FGD4: variants seen among roughly 807,000 people sequenced by gnomAD.
The protein encoded by FGD4 is FYVE, RhoGEF and PH domain-containing protein 4.
A neutral mutation model predicts 102.0 loss-of-function variants in FGD4; 42 were observed. The ratio of observed to expected loss-of-function variants is 0.41; its 90% CI spans 0.32 to 0.53. FGD4 has a LOEUF of 0.53. FGD4 is among the 20% of genes least tolerant of loss of function. The pLI is 0.21. For missense variants in FGD4, 902 were observed against 1,078.2 expected (o/e 0.84, Z 2.29); for synonymous variants, 380 against 375.7 (o/e 1.01, Z -0.13).
intron 1 of FGD4, among the ~76,000 whole-genome samples, chr12:32,464,638 T>G (rs1253023670): frequency 6.6e-6 from 1 of 152,224 alleles, no homozygotes; most frequent in East Asian, 1.9e-4. Context: ...TAGGTAGTAT[T>G]CAAGGTGTTT....
intron 1 of FGD4, among the ~76,000 whole-genome samples, chr12:32,453,209 TATATATATATAATATAGATATATA>T: frequency 2.0e-5 from 1 of 48,862 alleles, no homozygotes; most frequent in South Asian, 1.2e-3. Context: ...ATTATATATA[TATATATATATAATATAGATATATA>T]TATATTTTTT....
At chr12:32,490,662 G>T (rs2136575322) in intron 1 of FGD4, among the ~76,000 whole-genome samples, 1 of 152,118 alleles carries the variant, frequency 6.6e-6, no homozygotes, top group East Asian at 1.9e-4. Context: ...CTCCCAAAGT[G>T]CTGGGATTAC....
Position 32,544,777 on chromosome 12 carries a change from T to TGAACTTTA in FGD4, c.167-19358_167-19351dup, listed in dbSNP as rs562230928. Among the ~76,000 whole-genome samples, 3,226 of 152,256 alleles carry TGAACTTTA rather than the reference T, an allele frequency of 0.021. 39 individuals carry two copies. The highest frequency in any genetic ancestry group is 0.037 in the South Asian group (177 of 4,820). ...AAAATTAGTCTTCATGGTGTTTTGG[T>TGAACTTTA]GAACTTTAGCTTACCAGCTGAAAAT... On this transcript the variant is annotated intron_variant, in intron 1 of 16. Coordinates refer to ENST00000534526, the MANE Select transcript of FGD4 (RefSeq NM_001370298.3). This position sits in a 1 kb window ranked among gnomAD's most constrained non-coding sequence, Gnocchi z 4.1.
chr12:32,462,869 CA>C (rs1358590294), intron 1 of FGD4, among the ~76,000 whole-genome samples: 26 of 152,280 alleles, frequency 1.7e-4, no homozygotes, highest in Middle Eastern at 3.4e-3. Context: ...GCAGTGAGAA[CA>C]ACAAGAAAAT....
chr12:32,632,693 A>T (rs1042899583), intron 14 of FGD4, among the ~76,000 whole-genome samples: 10 of 133,740 alleles, frequency 7.5e-5, no homozygotes, highest in South Asian at 2.3e-4. Flanking sequence ...TTTTATTTTT[A>T]TTTATTTATT....
At chr12:32,453,227 A>ATATTT (rs1338018668) in intron 1 of FGD4, among the ~76,000 whole-genome samples, 3 of 45,316 alleles carry the variant, frequency 6.6e-5, no homozygotes, top group Admixed American at 5.4e-4. Flanking sequence ...TATAATATAG[A>ATATTT]TATATATATA....
chr12:32,554,149 T>C lies in FGD4; in HGVS notation c.167-9988T>C, dbSNP rs188798855. Among the ~76,000 whole-genome samples the C allele has an allele frequency of 3.9e-3, 593 of 152,304 alleles. 7 individuals carry two copies. Among genetic ancestry groups the C allele is most frequent in the African/African-American group, 0.014 (564 of 41,554 alleles). On this transcript the variant is annotated intron_variant, in intron 1 of 16. Coordinates refer to ENST00000534526, the MANE Select transcript of FGD4 (RefSeq NM_001370298.3). ...CAATAACTGGGATTTTTTTTTACTGTTACTATTTTTTATCAAGACAAACAT... is the reference window on the plus strand; with the variant it reads ...CAATAACTGGGATTTTTTTTTACTGCTACTATTTTTTATCAAGACAAACAT...
chr12:32,534,368 C>A (rs955004765), intron 1 of FGD4: 22 of 1,464,650 alleles, frequency 1.5e-5, no homozygotes, highest in Non-Finnish European at 1.9e-5. Flanking sequence ...TAATCTTCAG[C>A]CTCCCTGAAG....
At chr12:32,526,004 CCCTGCT>C in intron 1 of FGD4, among the ~76,000 whole-genome samples, 1 of 152,388 alleles carries the variant, frequency 6.6e-6, no homozygotes, top group Admixed American at 6.5e-5. Context: ...GAGCACCACC[CCCTGCT>C]CCACGGCGCC....
At chr12:32,524,430 G>C (rs1940914985) in intron 1 of FGD4, among the ~76,000 whole-genome samples, 1 of 149,008 alleles carries the variant, frequency 6.7e-6, no homozygotes, top group South Asian at 2.1e-4. Flanking sequence ...AAATTACCTG[G>C]AATTAGTATA....
chr12:32,561,070 GTTTTGTT>G (rs1488689997), intron 1 of FGD4, among the ~76,000 whole-genome samples: 976 of 90,740 alleles, frequency 0.011, 100 homozygotes, highest in African/African-American at 0.038. Context: ...TCTTTGTTGG[GTTTTGTT>G]TTTTTTTTTT....
At chr12:32,611,750 G>A (rs559060907) in intron 10 of FGD4, among the ~76,000 whole-genome samples, 10 of 152,202 alleles carry the variant, frequency 6.6e-5, no homozygotes, top group East Asian at 5.8e-4. Flanking sequence ...TCTAAGTAAC[G>A]TATTTTTCTG....
chr12:32,482,804 G>A (rs117040235), intron 1 of FGD4, among the ~76,000 whole-genome samples: 3 of 152,298 alleles, frequency 2.0e-5, no homozygotes, highest in Non-Finnish European at 4.4e-5. Context: ...AACTTTGGGA[G>A]GATAAGCAGA....
intron 1 of FGD4, among the ~76,000 whole-genome samples, chr12:32,512,811 C>A (rs1939518875): frequency 1.3e-5 from 2 of 152,182 alleles, no homozygotes; most frequent in African/African-American, 4.8e-5. Flanking sequence ...AGAGCTATTT[C>A]TCTTAATTAC....
intron 1 of FGD4, among the ~76,000 whole-genome samples, chr12:32,437,548 G>A (rs1942275799): frequency 6.6e-6 from 1 of 152,160 alleles, no homozygotes; most frequent in Admixed American, 6.5e-5. Context: ...TTCACTACAC[G>A]GATATCCGTG....
intron 1 of FGD4, among the ~76,000 whole-genome samples, chr12:32,540,526 C>T (rs1439218025): frequency 6.6e-6 from 1 of 150,916 alleles, no homozygotes; most frequent in African/African-American, 2.4e-5. Flanking sequence ...ATATTAGGCC[C>T]TTCAGGAGAT....
At chr12:32,573,316 C>G (rs550781217) in intron 2 of FGD4, among the ~76,000 whole-genome samples, 3 of 152,068 alleles carry the variant, frequency 2.0e-5, no homozygotes, top group African/African-American at 7.2e-5. Context: ...AGGTTGGTCT[C>G]GATCTCCTGA....
chr12:32,633,549 G>T lies in FGD4; in HGVS notation c.2173G>T (p.Val725Leu). 1 of 1,612,902 alleles carries T rather than the reference G, an allele frequency of 6.2e-7. No individual in the cohort carries two copies. Among genetic ancestry groups the T allele is most frequent in the Non-Finnish European group, 8.5e-7 (1 of 1,179,378 alleles). The change falls in exon 15 of 17, where the codon GTG becomes TTG. Residue 725 changes from valine (V) to leucine (L), a missense_variant and splice_region_variant. Physicochemically the swap from Val to Leu is conservative, Grantham distance 32. Around this residue, in one of 2 missense-constraint regions of FGD4, gnomAD observed 459 missense variants for 619.0 expected, o/e 0.74. Transcript: ENST00000534526. ...TGTTCATTTTTCTTTTAAATTTAAGGTGGTTTGTTGGAAATGCTCCGACTA... is the reference window on the plus strand; with the variant it reads ...TGTTCATTTTTCTTTTAAATTTAAGTTGGTTTGTTGGAAATGCTCCGACTA... Reference protein sequence around the residue: ...RRHHCRACGYVVCWKCSDYKA... With the variant: ...RRHHCRACGYLVCWKCSDYKA...
At chr12:32,574,331 GT>G (rs59873254) in intron 2 of FGD4, among the ~76,000 whole-genome samples, 29,352 of 127,316 alleles carry the variant, frequency 0.23, 2,753 homozygotes, top group Middle Eastern at 0.32. Flanking sequence ...AACCTTAAGT[GT>G]TTTTTTTTTT....
Sources: gnomAD v4.1 joint callset for allele counts (sites outside exome capture counted in the v4.1 genomes callset) on GRCh38, gnomAD v4.1.1 for gene constraint, gnomAD v4.1.1 regional missense constraint, Gnocchi (gnomAD v3.1) non-coding constraint, MANE v1.5 for transcripts, NCBI Gene and HGNC (gene_info 2026-07-23, HGNC 2026-07-21) for gene names.